Variants in LSM1 observed in about 807,000 individuals in gnomAD.
LSM1 encodes the protein U6 snRNA-associated Sm-like protein LSm1.
LSM1 carries 13 observed loss-of-function variants against 18.0 expected under a neutral mutation model. The observed-to-expected ratio is 0.72, with a 90% CI of 0.47 to 1.15. LSM1 has a LOEUF of 1.15. LSM1 is among the 50% of genes most tolerant of loss of function. LSM1 has a pLI of 0.00. For synonymous variants in LSM1, 46 were observed against 56.0 expected (o/e 0.82, Z 0.80); for missense variants, 152 against 157.7 (o/e 0.96, Z 0.19).
At chr8:38,164,567 A>C (rs1188438426) in intron 3 of LSM1, among the ~76,000 whole-genome samples, 1 of 151,414 alleles carries the variant, frequency 6.6e-6, no homozygotes, top group East Asian at 1.9e-4. Context: ...CACAGTCGTA[A>C]TCCCAGCACT....
At chr8:38,173,365 T>G in intron 1 of LSM1, among the ~76,000 whole-genome samples, 1 of 140,238 alleles carries the variant, frequency 7.1e-6, no homozygotes, top group African/African-American at 2.7e-5. Context: ...AGAAGAGTGA[T>G]AGGAAGGGGG....
At chr8:38,173,420 G>A (rs1181705363) in intron 1 of LSM1, among the ~76,000 whole-genome samples, 1 of 152,030 alleles carries the variant, frequency 6.6e-6, no homozygotes, top group Non-Finnish European at 1.5e-5. Context: ...GAGGAAAAAA[G>A]GGCTATACAT....
In LSM1 at chr8:38,176,467, G is replaced by A. The variant is rs1388681933; in HGVS notation, c.-147C>T. On this transcript the variant is annotated 5_prime_UTR_variant, in exon 1 of 4. Transcript: ENST00000311351. ...ACTTCTGCCCCGGCTTTCAGCCGCC[G>A]GGGGCTGCCGGAAGCTCCTCCATAT... 3.1e-6 allele frequency: 2 copies of A among 651,376 alleles called. No individual in the cohort carries two copies. Among genetic ancestry groups the A allele is most frequent in the South Asian group, 3.7e-5 (2 of 53,440 alleles). 40.3% of individuals were successfully genotyped at this position (651,376 alleles called of 1,614,324 possible).
At chr8:38,167,798 C>T (rs964785356) in intron 3 of LSM1, among the ~76,000 whole-genome samples, 5 of 152,012 alleles carry the variant, frequency 3.3e-5, no homozygotes, top group East Asian at 1.9e-4. Flanking sequence ...CCTATAGTCC[C>T]GGCTACTTGG....
In LSM1 at chr8:38,169,887, C is replaced by T. The variant is rs1209698358; in HGVS notation, c.146G>A (p.Arg49His). The T allele has an allele frequency of 7.4e-6, 12 of 1,612,996 alleles. No homozygotes were observed. The highest frequency in any genetic ancestry group is 6.7e-5 in the African/African-American group (5 of 74,870). ...ANLVLHQTVE[R>H]IHVGKKYGDI... ...ACCGTATTTTTTGCCCACATGAATA[C>T]GCTCCACAGTCTGATGTAGCACTAA... Residue 49 changes from arginine (R) to histidine (H), a missense_variant, in exon 3 of 4, where the codon CGT (arginine) becomes CAT (histidine). By Grantham distance (29) the Arg-to-His change is conservative. Transcript: ENST00000311351.
intron 2 of LSM1, among the ~76,000 whole-genome samples, chr8:38,171,650 G>C (rs973669910): frequency 6.6e-6 from 1 of 152,180 alleles, no homozygotes; most frequent in East Asian, 1.9e-4. Flanking sequence ...CTGGGTGACC[G>C]AGAGCGCGTC....
chr8:38,176,355 G>A lies in LSM1; in HGVS notation c.-35C>T. 2 of 1,587,518 alleles carry A rather than the reference G, an allele frequency of 1.3e-6. No homozygotes were observed. The highest frequency in any genetic ancestry group is 1.7e-6 in the Non-Finnish European group (2 of 1,161,094). Reference sequence around the variant, plus strand: ...AAATAATGCTGCAATGCACAGCGGCGGGAGGCCAGCGCGTCCAAAACCTCT... The same window carrying A: ...AAATAATGCTGCAATGCACAGCGGCAGGAGGCCAGCGCGTCCAAAACCTCT... On this transcript the variant is annotated 5_prime_UTR_variant, in exon 1 of 4. Coordinates refer to ENST00000311351, the MANE Select transcript of LSM1 (RefSeq NM_014462.3).
intron 3 of LSM1, among the ~76,000 whole-genome samples, chr8:38,168,591 C>CAA (rs34880510): frequency 9.0e-4 from 90 of 100,482 alleles, no homozygotes; most frequent in South Asian, 3.1e-3. Context: ...AACTCTGTCC[C>CAA]AAAAAAAAAA....
chr8:38,168,194 C>A (rs1018255154), intron 3 of LSM1, among the ~76,000 whole-genome samples: 4 of 151,472 alleles, frequency 2.6e-5, no homozygotes, highest in African/African-American at 9.7e-5. Flanking sequence ...ATCTCCTGAC[C>A]TTGTGATCCG....
chr8:38,175,956 G>GC lies in LSM1; in HGVS notation c.46+318dup, dbSNP rs77263158. The GC allele has an allele frequency of 6.6e-3, 1,898 of 286,454 alleles. 26 individuals are homozygous for GC. The highest frequency in any genetic ancestry group is 0.032 in the African/African-American group (1,447 of 45,288). The allele number at this position is 286,454 out of a possible 1,614,324, so 17.7% of individuals were successfully genotyped here. On this transcript the variant is annotated intron_variant, in intron 1 of 3. Transcript: ENST00000311351. ...GCAGGCAGGAGTGGACGGGGGAGAA[G>GC]CCCCCCCCCTCCCCGGGCTTCTTTC...
Position 38,164,352 on chromosome 8 carries a change from C to G in LSM1, c.232-512G>C, listed in dbSNP as rs193193172. On this transcript the variant is annotated intron_variant, in intron 3 of 3. Transcript: ENST00000311351. ...TAGGCAGTAATAAGTATTTGTATAA[C>G]AGAGCTTTATGTGATCCAAAATCCC... is the stretch of plus-strand genomic sequence containing the variant. Among the ~76,000 whole-genome samples, 334 of 152,016 alleles carry G rather than the reference C, an allele frequency of 2.2e-3. 2 individuals carry two copies. Among genetic ancestry groups the G allele is most frequent in the Non-Finnish European group, 4.4e-3 (301 of 67,986 alleles).
At chr8:38,171,459 G>A (rs1170390195) in intron 2 of LSM1, among the ~76,000 whole-genome samples, 1 of 152,200 alleles carries the variant, frequency 6.6e-6, no homozygotes, top group African/African-American at 2.4e-5. Flanking sequence ...CTAAGGTCAG[G>A]AGTTTGAAAC....
In LSM1 at chr8:38,169,814, T is replaced by G; in HGVS notation, c.219A>C (p.Leu73=). 1 of 1,607,274 alleles carries G rather than the reference T, an allele frequency of 6.2e-7. No individual in the cohort carries two copies. The highest frequency in any genetic ancestry group is 1.3e-5 in the African/African-American group (1 of 74,918). The change falls in exon 3 of 4, where the codon CTA becomes CTC. Residue 73 remains leucine, a synonymous_variant. Coordinates refer to ENST00000311351, the MANE Select transcript of LSM1 (RefSeq NM_014462.3). The stretch of plus-strand genomic sequence containing the variant: ...AGTTTTCACTTACTATTTCTCCTAG[T>G]AGGACCACATTTTCTCCTCTGACCA... ...IFVVRGENVV[L]LGEIDLEKES... is the part of the protein sequence containing the mutation.
intron 1 of LSM1, chr8:38,175,961 C>A (rs922131426): frequency 3.6e-5 from 11 of 306,848 alleles, no homozygotes; most frequent in Non-Finnish European, 6.7e-5. Context: ...GAGAAGCCCC[C>A]CCCCTCCCCG....
chr8:38,167,799 G>A (rs543932234), intron 3 of LSM1, among the ~76,000 whole-genome samples: 8 of 151,974 alleles, frequency 5.3e-5, no homozygotes, highest in African/African-American at 1.9e-4. Context: ...CTATAGTCCC[G>A]GCTACTTGGG....
intron 1 of LSM1, 73 bp downstream of exon 1, chr8:38,176,202 T>C: frequency 7.5e-7 from 1 of 1,338,242 alleles, no homozygotes; most frequent in Non-Finnish European, 1.1e-6. Context: ...TCTACAAGCT[T>C]CTTCGGAAGA....
In LSM1 at chr8:38,176,420, C is replaced by G; in HGVS notation, c.-100G>C. 1 of 942,856 alleles carries G rather than the reference C, an allele frequency of 1.1e-6. No homozygotes were observed. The highest frequency in any genetic ancestry group is 1.6e-6 in the Non-Finnish European group (1 of 610,936). 58.4% of individuals were successfully genotyped at this position (942,856 alleles called of 1,614,324 possible). ...GTCGCCGCCTCGGTGGGACCAAGCC[C>G]GGAATCCCGACCGAGACCAGCACTT... On this transcript the variant is annotated 5_prime_UTR_variant, in exon 1 of 4. Transcript: ENST00000311351.
In LSM1 at chr8:38,163,622, C is replaced by T. The variant is rs1265305541; in HGVS notation, c.*48G>A. ...AGGTGGCCAGGATGTCACTTTCACTCAGTGACAGCCCCTACTCTTCAAGAG... is the reference window on the plus strand; with the variant it reads ...AGGTGGCCAGGATGTCACTTTCACTTAGTGACAGCCCCTACTCTTCAAGAG... On this transcript the variant is annotated 3_prime_UTR_variant, in exon 4 of 4. Coordinates refer to ENST00000311351, the MANE Select transcript of LSM1 (RefSeq NM_014462.3). The T allele has an allele frequency of 2.0e-6, 3 of 1,532,718 alleles. No individual in the cohort carries two copies. Among genetic ancestry groups the T allele is most frequent in the Non-Finnish European group, 1.8e-6 (2 of 1,111,326 alleles). The allele number at this position is 1,532,718 out of a possible 1,614,324, so 94.9% of individuals were successfully genotyped here.
rs577873082 is a variant in LSM1 at position 38,166,935 on chromosome 8, T to A, written c.231+2867A>T. 5.9e-5 allele frequency among the ~76,000 whole-genome samples: 9 copies of A among 152,368 alleles called. No individual in the cohort carries two copies. The East Asian group carries it at 1.7e-3, about 29-fold the overall frequency. On this transcript the variant is annotated intron_variant, in intron 3 of 3. Transcript: ENST00000311351. ...CTGTTGCTGCTTCTTCCCAACAGTC[T>A]TATTACTTAATGCTGTGTCATCATC...
Sources: allele counts gnomAD v4.1 joint callset (sites outside exome capture counted in the v4.1 genomes callset), GRCh38; gene constraint gnomAD v4.1.1; transcripts MANE v1.5; gene names NCBI Gene and HGNC (gene_info 2026-07-23, HGNC 2026-07-21).